The following SPIDR variants were observed in gnomAD, a reference collection of about 807,000 sequenced individuals.
SPIDR encodes scaffold protein involved in DNA repair.
A neutral mutation model predicts 104.6 loss-of-function variants in SPIDR; 93 were observed. The ratio of observed to expected loss-of-function variants is 0.89; its 90% CI spans 0.75 to 1.06. The LOEUF (loss-of-function observed/expected upper bound fraction) is 1.06. Ranked by LOEUF, SPIDR falls within the 50% of genes least tolerant of loss-of-function variation. The pLI is 0.00. For missense variants in SPIDR, 1,154 were observed against 1,111.2 expected (o/e 1.04, Z -0.55); for synonymous variants, 431 against 416.9 (o/e 1.03, Z -0.41).
At chr8:47,455,860 T>A (rs1025374337) in intron 8 of SPIDR, among the ~76,000 whole-genome samples, 13 of 152,078 alleles carry the variant, frequency 8.5e-5, no homozygotes, top group Non-Finnish European at 1.2e-4. Flanking sequence ...ATATATGAAG[T>A]AAAAATGGAC....
At chr8:47,528,206 C>CA (rs1428068599) in intron 8 of SPIDR, 2 of 151,872 alleles carry the variant, frequency 1.3e-5, no homozygotes, top group African/African-American at 2.4e-5. Flanking sequence ...TCTGTCTTTG[C>CA]AAAAAAGAAG....
intron 7 of SPIDR, among the ~76,000 whole-genome samples, chr8:47,415,974 A>C (rs1461236314): frequency 1.3e-5 from 2 of 152,000 alleles, no homozygotes; most frequent in Non-Finnish European, 2.9e-5. Flanking sequence ...TGTTATCTAA[A>C]AATGCTCACA....
Position 47,260,987 on chromosome 8 carries a change from C to T in SPIDR, c.29C>T (p.Ser10Phe), listed in dbSNP as rs879544611. 19 of 1,229,762 alleles carry T rather than the reference C, an allele frequency of 1.5e-5. No individual in the cohort carries two copies. The highest frequency in any genetic ancestry group is 1.8e-5 in the Non-Finnish European group (18 of 986,502). The allele number at this position is 1,229,762 out of a possible 1,614,324, so 76.2% of individuals were successfully genotyped here. A position where few individuals can be genotyped will look rare whatever the true frequency, so the allele number is the denominator to read the frequency against. The stretch of plus-strand genomic sequence containing the variant: ...CCCCGCGGCAGCCGCGCTCGGGGCT[C>T]TAAGGTAGGCTCTGGGGCGGGAGTG... MPRGSRARGSKRKRSWNTEC... is the reference protein window; with the variant it reads MPRGSRARGFKRKRSWNTEC... Residue 10 changes from serine (S) to phenylalanine (F), a missense_variant, in exon 1 of 20, where the codon TCT (serine) becomes TTT (phenylalanine). By Grantham distance (155) the Ser-to-Phe change is radical. Coordinates refer to ENST00000297423, the MANE Select transcript of SPIDR (RefSeq NM_001080394.4).
At chr8:47,475,363 C>G (rs1345198926) in intron 8 of SPIDR, among the ~76,000 whole-genome samples, 16 of 152,220 alleles carry the variant, frequency 1.1e-4, no homozygotes, top group African/African-American at 3.6e-4. Flanking sequence ...GATGTCTGGT[C>G]TGTTGTCTCA....
intron 5 of SPIDR, among the ~76,000 whole-genome samples, chr8:47,394,401 C>T (rs1468603121): frequency 1.3e-5 from 2 of 152,198 alleles, no homozygotes; most frequent in African/African-American, 4.8e-5. Context: ...GTCCCCAGCC[C>T]AAGCCGCCTG....
In SPIDR at chr8:47,598,773, G is replaced by A. The variant is rs140847145; in HGVS notation, c.1294-173G>A. Among the ~76,000 whole-genome samples the A allele has an allele frequency of 3.3e-5, 5 of 152,274 alleles. No homozygotes were observed. In the East Asian group the frequency reaches 7.7e-4, roughly 24 times the overall value. ...GTCTTAGCCACCTGGCAGGCCCAGAGCCCCATGCCACAAGTTCCTTTATTT... is the reference window on the plus strand; with the variant it reads ...GTCTTAGCCACCTGGCAGGCCCAGAACCCCATGCCACAAGTTCCTTTATTT... On this transcript the variant is annotated intron_variant, in intron 9 of 19. Transcript: ENST00000297423.
Position 47,407,845 on chromosome 8 carries a change from A to T in SPIDR, c.777-16A>T. 3 of 1,503,842 alleles carry T rather than the reference A, an allele frequency of 2.0e-6. No homozygotes were observed. In the South Asian group the frequency reaches 3.5e-5, roughly 18 times the overall value. 93.2% of individuals were successfully genotyped at this position (1,503,842 alleles called of 1,614,324 possible). ...TCCTTTTAACTAAACTTAATACATT[A>T]TAATTCATTAAACAGAGGTGGACTA... On this transcript the variant is annotated splice_polypyrimidine_tract_variant and intron_variant, in intron 6 of 19. Transcript: ENST00000297423.
At position 47,491,852 on chromosome 8, in the gene SPIDR, A is replaced by G. The variant is rs372218530; in HGVS notation, c.1097+51310A>G. Among the ~76,000 whole-genome samples the G allele has an allele frequency of 2.0e-4, 30 of 152,224 alleles. 1 individual carries two copies. The highest frequency in any genetic ancestry group is 3.4e-3 in the Middle Eastern group (1 of 294). The stretch of plus-strand genomic sequence containing the variant: ...CAACATAGTGAGACCCTGTCTCTTA[A>G]AAAAAAGAAAAAGAAAACCAGCCAA... On this transcript the variant is annotated intron_variant, in intron 8 of 19. Coordinates refer to ENST00000297423, the MANE Select transcript of SPIDR (RefSeq NM_001080394.4).
intron 5 of SPIDR, among the ~76,000 whole-genome samples, chr8:47,337,647 TAAA>T (rs782449309): frequency 2.2e-5 from 3 of 139,328 alleles, no homozygotes; most frequent in Admixed American, 7.2e-5. Context: ...AACCATTGTT[TAAA>T]AAAAAAAAAA....
intron 7 of SPIDR, among the ~76,000 whole-genome samples, chr8:47,415,387 A>G (rs1458651989): frequency 6.6e-6 from 1 of 152,206 alleles, no homozygotes; most frequent in Admixed American, 6.5e-5. Context: ...GACCCTGCTC[A>G]GATTTCACCA....
rs1331585243 is a variant in SPIDR at position 47,440,390 on chromosome 8, C to T, written c.945C>T (p.Ala315=). 23 of 1,614,060 alleles carry T rather than the reference C, an allele frequency of 1.4e-5. No individual in the cohort carries two copies. The highest frequency in any genetic ancestry group is 5.3e-5 in the African/African-American group (4 of 74,918). ...ELHEECAMQV[A]MCEQLLGSPA... is the part of the protein sequence containing the mutation. ...ATGAGGAATGTGCCATGCAAGTTGC[C>T]ATGTGTGAGCAGTTATTGGGGTCAC... The change falls in exon 8 of 20, where the codon GCC becomes GCT. Residue 315 remains alanine (A), a synonymous_variant. Coordinates refer to ENST00000297423, the MANE Select transcript of SPIDR (RefSeq NM_001080394.4).
intron 6 of SPIDR, among the ~76,000 whole-genome samples, chr8:47,397,625 G>A (rs58660443): frequency 0.031 from 4,669 of 152,298 alleles, 193 homozygotes; most frequent in African/African-American, 0.1. Flanking sequence ...GAAGAGCGTA[G>A]GTGTTGGATC....
At chr8:47,645,079 G>A (rs1331555083) in intron 10 of SPIDR, among the ~76,000 whole-genome samples, 1 of 152,138 alleles carries the variant, frequency 6.6e-6, no homozygotes, top group African/African-American at 2.4e-5. Context: ...ACAGTGAGAA[G>A]CCTTTAAGGT....
rs374926273 is a variant in SPIDR at position 47,352,322 on chromosome 8, T to G, written c.526-44054T>G. On this transcript the variant is annotated intron_variant, in intron 5 of 19. Coordinates refer to ENST00000297423, the MANE Select transcript of SPIDR (RefSeq NM_001080394.4). ...GAAAGAAAATAATTTGACCGTGTACTTCTTGTTTTCATCTGGAGTCTAGGC... is the reference window on the plus strand; with the variant it reads ...GAAAGAAAATAATTTGACCGTGTACGTCTTGTTTTCATCTGGAGTCTAGGC... 1.5e-4 allele frequency among the ~76,000 whole-genome samples: 23 copies of G among 152,086 alleles called. No homozygotes were observed. The East Asian group carries it at 2.5e-3, about 17-fold the overall frequency.
At chr8:47,411,824 T>C (rs1554671830) in intron 7 of SPIDR, among the ~76,000 whole-genome samples, 1 of 152,222 alleles carries the variant, frequency 6.6e-6, no homozygotes, top group East Asian at 1.9e-4. Context: ...CTTGAATTAA[T>C]TTTTGTATAA....
intron 8 of SPIDR, among the ~76,000 whole-genome samples, chr8:47,464,583 A>G (rs2074459735): frequency 6.6e-6 from 1 of 151,938 alleles, no homozygotes; most frequent in Non-Finnish European, 1.5e-5. Flanking sequence ...GCTGAGTTGA[A>G]CTGACAAGCA....
At chr8:47,707,592 G>A (rs1014142781) in intron 14 of SPIDR, among the ~76,000 whole-genome samples, 9 of 152,212 alleles carry the variant, frequency 5.9e-5, no homozygotes, top group African/African-American at 2.2e-4. Context: ...TTTTAATTTT[G>A]ATGCAGTCAG....
chr8:47,686,096 G>A (rs772496464), intron 11 of SPIDR, among the ~76,000 whole-genome samples: 37 of 152,180 alleles, frequency 2.4e-4, no homozygotes, highest in Non-Finnish European at 4.7e-4. Context: ...TGTTCTGGAA[G>A]GTGGATGAGT....
intron 5 of SPIDR, among the ~76,000 whole-genome samples, chr8:47,297,802 G>A (rs2041171686): frequency 6.6e-6 from 1 of 152,086 alleles, no homozygotes; most frequent in African/African-American, 2.4e-5. Context: ...ATTTTTTATG[G>A]CTGCATAGTA....
Sources: gnomAD v4.1 joint callset for allele counts (sites outside exome capture counted in the v4.1 genomes callset) on GRCh38, gnomAD v4.1.1 for gene constraint, MANE v1.5 for transcripts, NCBI Gene and HGNC (gene_info 2026-07-23, HGNC 2026-07-21) for gene names.